Variants in RAB38 observed in about 807,000 individuals in gnomAD.
The protein encoded by RAB38 is RAB38, member RAS oncogene family.
A neutral mutation model predicts 18.4 loss-of-function variants in RAB38; 15 were observed. The observed-to-expected ratio is 0.82, with a 90% CI of 0.55 to 1.26. RAB38 has a LOEUF of 1.26. Among genes scored for constraint, RAB38 ranks in the 50% most tolerant of loss-of-function variants. RAB38 has a pLI of 0.00. For missense variants in RAB38, 294 were observed against 267.4 expected, an observed-to-expected ratio of 1.10 and a Z score of -0.69; for synonymous variants, 101 against 104.4, an observed-to-expected ratio of 0.97 and a Z score of 0.20.
At chr11:88,022,611 C>CA in the RAB38 span, among the ~76,000 whole-genome samples, 3,629 of 52,192 alleles carry the variant, frequency 0.07, 173 homozygotes, top group South Asian at 0.17. Flanking sequence ...AAAGACCCCA[C>CA]AAAAAAAAAA....
At chr11:87,968,429 A>C in the RAB38 span, among the ~76,000 whole-genome samples, 1 of 152,182 alleles carries the variant, frequency 6.6e-6, no homozygotes, top group Non-Finnish European at 1.5e-5. Flanking sequence ...AATTGTGGTC[A>C]AAGAGAAGTG....
At chr11:88,081,343 G>A in the RAB38 span, among the ~76,000 whole-genome samples, 2 of 151,908 alleles carry the variant, frequency 1.3e-5, no homozygotes, top group African/African-American at 2.4e-5. Context: ...GTATATTAAT[G>A]TTTATAGAAG....
the RAB38 span, among the ~76,000 whole-genome samples, chr11:87,826,586 T>C: frequency 6.6e-6 from 1 of 152,178 alleles, no homozygotes; most frequent in Non-Finnish European, 1.5e-5. Context: ...AATAATAAAA[T>C]GATTGAGCTC....
chr11:88,080,053 T>TA, the RAB38 span, among the ~76,000 whole-genome samples: 4 of 151,228 alleles, frequency 2.6e-5, no homozygotes, highest in Admixed American at 1.3e-4. Context: ...GTTCAATAAA[T>TA]AAAAAAACAA....
the RAB38 span, among the ~76,000 whole-genome samples, chr11:88,054,160 A>G: frequency 6.6e-6 from 1 of 152,186 alleles, no homozygotes; most frequent in Non-Finnish European, 1.5e-5. Flanking sequence ...TATGAAGAAT[A>G]AGAGATAGAA....
the RAB38 span, among the ~76,000 whole-genome samples, chr11:87,826,763 C>A: frequency 6.6e-6 from 1 of 152,068 alleles, no homozygotes; most frequent in East Asian, 1.9e-4. Context: ...AGTGCTAGAA[C>A]TTTAAATACC....
the RAB38 span, among the ~76,000 whole-genome samples, chr11:88,061,399 A>C: frequency 6.6e-6 from 1 of 152,234 alleles, no homozygotes; most frequent in Non-Finnish European, 1.5e-5. Context: ...AGTGCTGAGC[A>C]AAATGAGAAT....
chr11:87,974,065 CA>C, the RAB38 span, among the ~76,000 whole-genome samples: 473 of 151,922 alleles, frequency 3.1e-3, 4 homozygotes, highest in African/African-American at 0.011. Context: ...GTATCATCAA[CA>C]ATTGTCCAAA....
the RAB38 span, among the ~76,000 whole-genome samples, chr11:87,838,939 C>CAAA: frequency 1.3e-5 from 2 of 152,164 alleles, no homozygotes; most frequent in Non-Finnish European, 2.9e-5. Flanking sequence ...GTAACTTGTT[C>CAAA]AAACTTCCTC....
chr11:88,076,849 C>T, the RAB38 span, among the ~76,000 whole-genome samples: 1 of 147,736 alleles, frequency 6.8e-6, no homozygotes, highest in Admixed American at 6.7e-5. Flanking sequence ...ATCCCAGCTA[C>T]TCAGGAGGCT....
At chr11:88,125,289 T>C (rs1942681813) in intron 2 of RAB38, among the ~76,000 whole-genome samples, 1 of 152,206 alleles carries the variant, frequency 6.6e-6, no homozygotes, top group African/African-American at 2.4e-5. Flanking sequence ...TCATCTGTAC[T>C]AGATTCCAAC....
chr11:88,009,427 G>A, the RAB38 span, among the ~76,000 whole-genome samples: 6 of 152,146 alleles, frequency 3.9e-5, no homozygotes, highest in African/African-American at 1.2e-4. Flanking sequence ...GATATAAAAA[G>A]AAAGGGACAG....
chr11:87,877,831 T>C, the RAB38 span, among the ~76,000 whole-genome samples: 1 of 151,512 alleles, frequency 6.6e-6, no homozygotes, highest in Non-Finnish European at 1.5e-5. Flanking sequence ...TTTTCTACAA[T>C]AGCCATCAAA....
chr11:87,888,686 A>T, the RAB38 span, among the ~76,000 whole-genome samples: 1 of 151,958 alleles, frequency 6.6e-6, no homozygotes, highest in East Asian at 1.9e-4. Context: ...ACACTGCTGG[A>T]AACATGCAAG....
At chr11:88,169,063 T>C (rs1460784269) in intron 1 of RAB38, among the ~76,000 whole-genome samples, 1 of 152,186 alleles carries the variant, frequency 6.6e-6, no homozygotes, top group Non-Finnish European at 1.5e-5. Flanking sequence ...TAAGAGGCTA[T>C]GATCCAGAAC....
At chr11:87,976,624 T>C in the RAB38 span, among the ~76,000 whole-genome samples, 2 of 107,930 alleles carry the variant, frequency 1.9e-5, no homozygotes, top group Non-Finnish European at 3.6e-5. Flanking sequence ...ACATGATATA[T>C]AAATATATAT....
At chr11:88,050,423 T>C in the RAB38 span, among the ~76,000 whole-genome samples, 1 of 152,192 alleles carries the variant, frequency 6.6e-6, no homozygotes, top group Non-Finnish European at 1.5e-5. Flanking sequence ...CCTCCCACTT[T>C]GTTTCTATTT....
chr11:88,043,020 A>G, the RAB38 span, among the ~76,000 whole-genome samples: 2 of 138,048 alleles, frequency 1.4e-5, no homozygotes, highest in African/African-American at 2.8e-5. Context: ...CCACACACAC[A>G]CAGAGCAATA....
chr11:88,014,735 C>T, the RAB38 span, among the ~76,000 whole-genome samples: 117,000 of 152,032 alleles, frequency 0.77, 45,533 homozygotes, highest in African/African-American at 0.88. Context: ...TACCTGCATA[C>T]TGATTGGCTT....
Sources: gnomAD v4.1 joint callset for allele counts (sites outside exome capture counted in the v4.1 genomes callset) on GRCh38, gnomAD v4.1.1 for gene constraint, MANE v1.5 for transcripts, NCBI Gene and HGNC (gene_info 2026-07-23, HGNC 2026-07-21) for gene names.